Variants in TMCC1 observed in about 807,000 individuals in gnomAD.
TMCC1 encodes the protein transmembrane and coiled-coil domains protein 1.
A neutral mutation model predicts 52.4 loss-of-function variants in TMCC1; 15 were observed. That is an observed-to-expected ratio of 0.29 (90% CI 0.19 to 0.44). TMCC1 has a LOEUF of 0.44. Among genes scored for constraint, TMCC1 ranks in the 20% least tolerant of loss-of-function variants. TMCC1 has a pLI of 1.00. For synonymous variants in TMCC1, 279 were observed against 301.9 expected (o/e 0.92, Z 0.79); for missense variants, 503 against 806.0 (o/e 0.62, Z 4.55).
intron 4 of TMCC1, among the ~76,000 whole-genome samples, chr3:129,680,800 C>G (rs1245489301): frequency 1.3e-5 from 2 of 151,730 alleles, no homozygotes; most frequent in Non-Finnish European, 2.9e-5. Context: ...ACTTGGGAGA[C>G]TGAGGCATGA....
chr3:129,818,625 T>C (rs574155862), intron 4 of TMCC1, among the ~76,000 whole-genome samples: 26 of 138,402 alleles, frequency 1.9e-4, no homozygotes, highest in African/African-American at 5.8e-4. Context: ...AGAAAAGTTT[T>C]AAAGAAACTT....
chr3:129,847,917 A>G lies in TMCC1; in HGVS notation c.-183-15091T>C, dbSNP rs1365609062. 2.0e-5 allele frequency: 3 copies of G among 152,146 alleles called. No homozygotes were observed. In the East Asian group the frequency reaches 5.8e-4, roughly 29 times the overall value. The allele number at this position is 152,146 out of a possible 1,614,324, so 9.4% of individuals were successfully genotyped here. On this transcript the variant is annotated intron_variant, in intron 2 of 6. Transcript: ENST00000393238. The stretch of plus-strand genomic sequence containing the variant: ...GGTTTAAATTTATATTTCCCTAATG[A>G]CTTACGACTTTGGGCATCTTTTCAT...
intron 4 of TMCC1, among the ~76,000 whole-genome samples, chr3:129,749,704 G>A (rs188256039): frequency 2.1e-3 from 319 of 152,208 alleles, no homozygotes; most frequent in African/African-American, 5.0e-3. Flanking sequence ...AATAGGAAAA[G>A]GGAATATTTA....
intron 6 of TMCC1, among the ~76,000 whole-genome samples, chr3:129,654,468 T>C (rs1027007076): frequency 5.3e-5 from 8 of 152,126 alleles, no homozygotes; most frequent in African/African-American, 1.4e-4. Context: ...TACCTCCATA[T>C]AGAAATAAGA....
intron 5 of TMCC1, among the ~76,000 whole-genome samples, chr3:129,669,753 G>C (rs576053659): frequency 1.3e-5 from 2 of 152,276 alleles, no homozygotes; most frequent in South Asian, 4.1e-4. Flanking sequence ...ACAAAAACGA[G>C]ACCAGCTTCT....
chr3:129,712,128 G>C (rs901501500), intron 4 of TMCC1, among the ~76,000 whole-genome samples: 14 of 151,450 alleles, frequency 9.2e-5, no homozygotes, highest in African/African-American at 2.9e-4. Flanking sequence ...AGTGAGTCAA[G>C]ATCACACCAC....
intron 2 of TMCC1, among the ~76,000 whole-genome samples, chr3:129,858,792 T>C (rs1005610837): frequency 5.3e-5 from 8 of 152,320 alleles, no homozygotes; most frequent in African/African-American, 1.9e-4. Context: ...ATAAAAGGAT[T>C]AAAACATACA....
chr3:129,726,907 G>A (rs1465882549), intron 4 of TMCC1, among the ~76,000 whole-genome samples: 2 of 36,846 alleles, frequency 5.4e-5, no homozygotes, highest in South Asian at 9.3e-4. Context: ...AAGAACCACT[G>A]TTCAAACCAA....
chr3:129,850,842 G>A (rs527698410), intron 2 of TMCC1, among the ~76,000 whole-genome samples: 30 of 152,358 alleles, frequency 2.0e-4, no homozygotes, highest in African/African-American at 5.8e-4. Context: ...GGGATGGGCC[G>A]AAATAAAGGG....
At chr3:129,694,044 T>C (rs1268941361) in intron 4 of TMCC1, among the ~76,000 whole-genome samples, 1 of 152,206 alleles carries the variant, frequency 6.6e-6, no homozygotes, top group Non-Finnish European at 1.5e-5. Flanking sequence ...CCAGGAACAC[T>C]GGCCTGATTC....
At chr3:129,772,665 G>A (rs920246360) in intron 4 of TMCC1, among the ~76,000 whole-genome samples, 33 of 142,906 alleles carry the variant, frequency 2.3e-4, no homozygotes, top group Middle Eastern at 3.6e-3. Context: ...AGAGCTTGCA[G>A]TGAGCCGAGA....
At chr3:129,835,085 T>C (rs1346879414) in intron 2 of TMCC1, among the ~76,000 whole-genome samples, 1 of 152,212 alleles carries the variant, frequency 6.6e-6, no homozygotes, top group East Asian at 1.9e-4. Flanking sequence ...GTTACAACTA[T>C]GAAATTTCAG....
intron 4 of TMCC1, among the ~76,000 whole-genome samples, chr3:129,748,449 G>A (rs1021196945): frequency 6.6e-6 from 1 of 152,020 alleles, no homozygotes; most frequent in Non-Finnish European, 1.5e-5. Context: ...CATCATGCCC[G>A]GCTAATTTTT....
At chr3:129,882,344 A>T (rs970004485) in intron 1 of TMCC1, among the ~76,000 whole-genome samples, 3 of 145,352 alleles carry the variant, frequency 2.1e-5, no homozygotes, top group African/African-American at 8.0e-5. Context: ...GCTATGATTA[A>T]AAAAAAAAAA....
At chr3:129,678,550 C>T (rs1576416744) in intron 4 of TMCC1, among the ~76,000 whole-genome samples, 1 of 151,230 alleles carries the variant, frequency 6.6e-6, no homozygotes, top group African/African-American at 2.4e-5. Flanking sequence ...TTAGTAGAGA[C>T]GGAGTTTCAC....
intron 4 of TMCC1, among the ~76,000 whole-genome samples, chr3:129,693,503 ATTTT>A (rs11433105): frequency 2.5e-5 from 3 of 121,992 alleles, no homozygotes; most frequent in Admixed American, 9.3e-5. Flanking sequence ...CCAAGATTGA[ATTTT>A]TTTTTTTTTT....
intron 2 of TMCC1, among the ~76,000 whole-genome samples, chr3:129,866,304 T>C (rs1054381871): frequency 8.1e-6 from 1 of 123,340 alleles, no homozygotes; most frequent in Non-Finnish European, 1.7e-5. Context: ...ATATATAATA[T>C]ATACATATAT....
At chr3:129,697,994 ATCT>A (rs2047536499) in intron 4 of TMCC1, among the ~76,000 whole-genome samples, 1 of 151,946 alleles carries the variant, frequency 6.6e-6, no homozygotes, top group African/African-American at 2.4e-5. Flanking sequence ...ACATTTTCCT[ATCT>A]TCTTCTGAGC....
intron 2 of TMCC1, among the ~76,000 whole-genome samples, chr3:129,860,680 A>C (rs2060350148): frequency 6.6e-6 from 1 of 151,240 alleles, no homozygotes; most frequent in Admixed American, 6.6e-5. Flanking sequence ...GCTCACTGCT[A>C]CCTCTGCCTC....
Sources: gnomAD v4.1 joint callset for allele counts (sites outside exome capture counted in the v4.1 genomes callset) on GRCh38, gnomAD v4.1.1 for gene constraint, MANE v1.5 for transcripts, NCBI Gene and HGNC (gene_info 2026-07-23, HGNC 2026-07-21) for gene names.